PADI3: variants seen among roughly 807,000 people sequenced by gnomAD.
PADI3 encodes the protein peptidyl arginine deiminase 3.
In PADI3, 53 loss-of-function variants were observed where a neutral mutation model predicts 71.5. The observed-to-expected ratio is 0.74, with a 90% CI of 0.59 to 0.93. PADI3 has a LOEUF of 0.93. Among genes scored for constraint, PADI3 ranks in the 40% least tolerant of loss-of-function variants. PADI3 has a pLI of 0.00. For synonymous variants in PADI3, 361 were observed against 347.5 expected, an observed-to-expected ratio of 1.04 and a Z score of -0.43; for missense variants, 821 against 868.0, an observed-to-expected ratio of 0.95 and a Z score of 0.68.
In PADI3 at chr1:17,283,093, C is replaced by T; in HGVS notation, c.*14C>T. On this transcript the variant is annotated 3_prime_UTR_variant, in exon 16 of 16. Coordinates refer to ENST00000375460, the MANE Select transcript of PADI3 (RefSeq NM_016233.2). ...ATGGTGCCCTGAGACAGCTCCCACC[C>T]ACCATCCTGTCCCCCTGGGGCGGGC... 6.2e-7 allele frequency: 1 copy of T among 1,601,622 alleles called. No individual in the cohort carries two copies. Among genetic ancestry groups the T allele is most frequent in the Non-Finnish European group, 8.6e-7 (1 of 1,169,168 alleles).
chr1:17,279,546 G>GC (rs2073375713), intron 13 of PADI3, among the ~76,000 whole-genome samples: 1 of 152,142 alleles, frequency 6.6e-6, no homozygotes, highest in African/African-American at 2.4e-5. Flanking sequence ...AAGGCTTGAG[G>GC]CCCTGTGCGA....
At chr1:17,254,717 A>ATTT (rs1247695105) in intron 1 of PADI3, among the ~76,000 whole-genome samples, 1,437 of 128,414 alleles carry the variant, frequency 0.011, 39 homozygotes, top group African/African-American at 0.042. Flanking sequence ...AGGCTCCAGC[A>ATTT]TTTTTTTTTT....
chr1:17,253,381 G>A (rs1215575549), intron 1 of PADI3, among the ~76,000 whole-genome samples: 1 of 152,194 alleles, frequency 6.6e-6, no homozygotes, highest in Non-Finnish European at 1.5e-5. Context: ...CTCGAAGAGG[G>A]GGCAACCTTG....
chr1:17,263,992 G>A (rs896416352), intron 3 of PADI3, among the ~76,000 whole-genome samples: 10 of 152,202 alleles, frequency 6.6e-5, no homozygotes, highest in Non-Finnish European at 1.2e-4. Context: ...TGCTTTATCT[G>A]TAGGAGGCAT....
chr1:17,261,638 C>T (rs764987580), intron 2 of PADI3, among the ~76,000 whole-genome samples: 2 of 152,244 alleles, frequency 1.3e-5, no homozygotes, highest in African/African-American at 2.4e-5. Context: ...CATTACAAGC[C>T]TCTGAGGTAG....
chr1:17,270,109 A>T, intron 6 of PADI3, 124 bp from the exon 7 acceptor site: 1 of 1,121,166 alleles, frequency 8.9e-7, no homozygotes, highest in African/African-American at 1.6e-5. Context: ...AGTGGAGGTG[A>T]AAGGAGGGAG....
chr1:17,252,400 CTTT>C (rs55649122), intron 1 of PADI3, among the ~76,000 whole-genome samples: 22 of 118,984 alleles, frequency 1.8e-4, no homozygotes, highest in African/African-American at 2.1e-4. Flanking sequence ...TTTTCTTCTT[CTTT>C]TTTTTTTTTT....
In PADI3 at chr1:17,267,931, T is replaced by A. The variant is rs752359542; in HGVS notation, c.621T>A (p.Asp207Glu). 1.2e-5 allele frequency: 19 copies of A among 1,614,062 alleles called. No homozygotes were observed. Among genetic ancestry groups the A allele is most frequent in the Non-Finnish European group, 1.6e-5 (19 of 1,180,046 alleles). ...HKLVLHTSSYDAKRAQVFHIC... is the reference protein window; with the variant it reads ...HKLVLHTSSYEAKRAQVFHIC... ...TTGTCCTCCATACCTCCAGCTATGA[T>A]GCCAAACGGGCACAGGTCTTCCACA... Residue 207 changes from aspartate (D) to glutamate (E), a missense_variant, in exon 6 of 16, where the codon GAT becomes GAA. By Grantham distance (45) the Asp-to-Glu change is conservative. Transcript: ENST00000375460.
chr1:17,269,498 G>A (rs1307500884), intron 6 of PADI3, among the ~76,000 whole-genome samples: 1 of 152,196 alleles, frequency 6.6e-6, no homozygotes, highest in African/African-American at 2.4e-5. Flanking sequence ...TGCCCCATGG[G>A]TGCACTGTAG....
chr1:17,269,052 AT>A (rs71575823), intron 6 of PADI3, among the ~76,000 whole-genome samples: 424 of 145,284 alleles, frequency 2.9e-3, no homozygotes, highest in Admixed American at 3.8e-3. Context: ...CACCCTGCTA[AT>A]TTTTTTTTTT....
In PADI3 at chr1:17,270,393, G is replaced by A. The variant is rs1156495931; in HGVS notation, c.813G>A (p.Leu271=). The change falls in exon 7 of 16, where the codon CTG becomes CTA. Residue 271 remains leucine, a synonymous_variant. Transcript: ENST00000375460. ...GACTCATCTCCTTCCATGTCACTCT[G>A]CTGGACGACTCCAACGAGGTAGGGA... ...FTGLISFHVT[L]LDDSNEDFSA... The A allele has an allele frequency of 1.9e-6, 3 of 1,613,362 alleles. No homozygotes were observed. In the Admixed American group the frequency reaches 5.0e-5, roughly 27 times the overall value.
chr1:17,282,758 C>A, intron 15 of PADI3, 88 bp from the exon 16 acceptor site: 1 of 989,350 alleles, frequency 1.0e-6, no homozygotes, highest in Non-Finnish European at 1.5e-6. Flanking sequence ...ACAAGGCTGT[C>A]TAAAACACAA....
At position 17,274,860 on chromosome 1, in the gene PADI3, G is replaced by A. The variant is rs2293919; in HGVS notation, c.1307+74G>A. ...GGGGGTGGTGATGATGGTGGAGCAG[G>A]GGCCATTGCACTCCTTGAAGAGAGC... is the stretch of plus-strand genomic sequence containing the variant. On this transcript the variant is annotated intron_variant, in intron 11 of 15. Coordinates refer to ENST00000375460, the MANE Select transcript of PADI3 (RefSeq NM_016233.2). 9.0e-5 allele frequency: 130 copies of A among 1,444,826 alleles called. No homozygotes were observed. In the East Asian group the frequency reaches 1.9e-3, roughly 21 times the overall value. The allele number at this position is 1,444,826 out of a possible 1,614,324, so 89.5% of individuals were successfully genotyped here.
intron 13 of PADI3, among the ~76,000 whole-genome samples, chr1:17,278,146 A>G (rs2073358383): frequency 6.6e-6 from 1 of 152,266 alleles, no homozygotes; most frequent in South Asian, 2.1e-4. Flanking sequence ...ACAAGTCAGG[A>G]GAGAGACTCG....
intron 1 of PADI3, among the ~76,000 whole-genome samples, chr1:17,255,442 G>T (rs1236824921): frequency 6.6e-6 from 1 of 152,224 alleles, no homozygotes; most frequent in Non-Finnish European, 1.5e-5. Flanking sequence ...CCCAGGACTG[G>T]ACCAGAAGCA....
chr1:17,273,248 G>A, intron 9 of PADI3, 92 bp from the exon 10 acceptor site: 1 of 923,146 alleles, frequency 1.1e-6, no homozygotes, highest in South Asian at 1.5e-5. Context: ...GGGACTTGGT[G>A]AGCAGTCTGC....
intron 6 of PADI3, 141 bp downstream of exon 6, chr1:17,268,103 A>C: frequency 1.1e-6 from 1 of 899,964 alleles, no homozygotes; most frequent in South Asian, 1.6e-5. Flanking sequence ...GGTCGCAGTA[A>C]GAACAGTCAG....
chr1:17,264,120 G>A (rs2073134703), intron 3 of PADI3, among the ~76,000 whole-genome samples: 1 of 152,140 alleles, frequency 6.6e-6, no homozygotes, highest in Non-Finnish European at 1.5e-5. Flanking sequence ...CTGCATATAT[G>A]CTTTGCCAAC....
chr1:17,260,683 G>A (rs1487354127), intron 2 of PADI3, among the ~76,000 whole-genome samples: 1 of 152,192 alleles, frequency 6.6e-6, no homozygotes, highest in African/African-American at 2.4e-5. Flanking sequence ...GCATCCATGA[G>A]GCACTTGGGG....
Sources: allele counts gnomAD v4.1 joint callset (sites outside exome capture counted in the v4.1 genomes callset), GRCh38; gene constraint gnomAD v4.1.1; transcripts MANE v1.5; gene names NCBI Gene and HGNC (gene_info 2026-07-23, HGNC 2026-07-21).